L1CAM: variants seen among roughly 807,000 people sequenced by gnomAD.
L1CAM encodes L1 cell adhesion molecule, also known as neural cell adhesion molecule L1.
In L1CAM, 8 loss-of-function variants were observed where a neutral mutation model predicts 93.0. The ratio of observed to expected loss-of-function variants is 0.09; its 90% CI spans 0.05 to 0.16. The LOEUF is 0.16. L1CAM is among the 10% of genes least tolerant of loss of function. The pLI is 1.00. For missense variants in L1CAM, 777 were observed against 1,073.4 expected, an observed-to-expected ratio of 0.72 and a Z score of 3.86; for synonymous variants, 453 against 453.0, an observed-to-expected ratio of 1.00 and a Z score of 0.00.
chrX:153,879,807 A>G (rs1557095363), intron 1 of L1CAM, among the ~76,000 whole-genome samples: 1 of 111,771 alleles, frequency 8.9e-6, no homozygotes, highest in African/African-American at 3.3e-5. Flanking sequence ...AAGCACCCAG[A>G]AAATCCCAGG....
At chrX:153,870,534 T>A (rs782129922) in intron 7 of L1CAM, 35 bp from the exon 8 acceptor site, 47 of 1,102,786 alleles carry the variant, frequency 4.3e-5, no homozygotes, top group Non-Finnish European at 5.2e-5. Context: ...GGCTGCCCAC[T>A]CTTCCCTCCA....
intron 1 of L1CAM, chrX:153,884,326 G>A (rs947136710): frequency 1.3e-5 from 11 of 856,050 alleles, no homozygotes; most frequent in East Asian, 6.5e-5. Flanking sequence ...ACCTTGAAGC[G>A]CTGATTGTCC....
At chrX:153,863,049 T>C (rs1269449907) in intron 28 of L1CAM, among the ~76,000 whole-genome samples, 155 bp from the exon 29 acceptor site, 1 of 112,386 alleles carries the variant, frequency 8.9e-6, no homozygotes, top group East Asian at 2.8e-4. Flanking sequence ...TCTGGAGCTG[T>C]CATCTTTGGG....
Position 153,868,911 on chromosome X carries a change from T to A in L1CAM, c.1309A>T (p.Met437Leu), listed in dbSNP as rs2064741398. The A allele has an allele frequency of 8.3e-7, 1 of 1,211,581 alleles. No homozygotes were observed. Among genetic ancestry groups the A allele is most frequent in the African/African-American group, 1.7e-5 (1 of 57,859 alleles). Residue 437 changes from methionine to leucine, a missense_variant, in exon 12 of 29, where the codon ATG becomes TTG. By Grantham distance (15) the Met-to-Leu change is conservative. This residue lies in a region of L1CAM where 574 missense variants were observed against 781.0 expected (regional missense o/e 0.73). Transcript: ENST00000370060. ...TAGGCAGTGCTGCCCTGGACAGCCA[T>A]GTACGTCTGATTGTCCGCAGTCAGG... is the stretch of plus-strand genomic sequence containing the variant. ...KILTADNQTY[M>L]AVQGSTAYLL...
At chrX:153,885,784 C>A in intron 1 of L1CAM, 1 of 797,613 alleles carries the variant, frequency 1.3e-6, no homozygotes, top group Non-Finnish European at 1.5e-6. Context: ...TGCCTGACGC[C>A]CCCCGCCCTG....
intron 1 of L1CAM, among the ~76,000 whole-genome samples, chrX:153,880,113 G>A (rs2064836754): frequency 8.9e-6 from 1 of 111,887 alleles, no homozygotes; most frequent in African/African-American, 3.3e-5. Context: ...ACACCCGCAG[G>A]TCCCTCAGGG....
intron 1 of L1CAM, chrX:153,876,316 G>A (rs2064813888): frequency 4.0e-6 from 1 of 251,018 alleles, no homozygotes; most frequent in African/African-American, 2.8e-5. Flanking sequence ...GTGTGGTTGT[G>A]GATCTGCAAG....
chrX:153,875,605 C>T (rs922073307), intron 2 of L1CAM, 156 bp downstream of exon 2: 11 of 544,593 alleles, frequency 2.0e-5, no homozygotes, highest in Non-Finnish European at 3.5e-5. Flanking sequence ...TCCGGGGGTA[C>T]CCAACGTCCT....
chrX:153,869,965 C>T (rs201652121), intron 9 of L1CAM, 31 bp from the exon 10 acceptor site: 18 of 1,208,008 alleles, frequency 1.5e-5, no homozygotes, highest in Admixed American at 4.4e-5. Context: ...GCCCTGAGCC[C>T]GCAGCCAGCA....
At position 153,875,893 on chromosome X, in the gene L1CAM, G is replaced by A. The variant is rs1449436501; in HGVS notation, c.-57C>T. ...CCGGGCTCGGTTCAGGCTCCGGCCG[G>A]AGGGGAAGGGGGCTGGTGGGCGGCT... On this transcript the variant is annotated 5_prime_UTR_variant, in exon 2 of 29. Coordinates refer to ENST00000370060, the MANE Select transcript of L1CAM (RefSeq NM_001278116.2). The A allele has an allele frequency of 8.2e-6, 9 of 1,098,627 alleles. No homozygotes were observed. The highest frequency in any genetic ancestry group is 5.6e-5 in the South Asian group (3 of 53,587). The allele number at this position is 1,098,627 out of a possible 1,213,427, so 90.5% of individuals were successfully genotyped here.
chrX:153,866,828 C>T lies in L1CAM; in HGVS notation c.2252G>A (p.Arg751His), dbSNP rs782052039. The T allele has an allele frequency of 3.3e-6, 4 of 1,211,508 alleles. No individual in the cohort carries two copies. Among genetic ancestry groups the T allele is most frequent in the South Asian group, 1.8e-5 (1 of 56,975 alleles). The change falls in exon 19 of 29, where the codon CGC becomes CAC. Residue 751 changes from arginine to histidine, a missense_variant. Arg to His is a conservative substitution (Grantham distance 29). Coordinates refer to ENST00000370060, the MANE Select transcript of L1CAM (RefSeq NM_001278116.2). Reference sequence around the variant, plus strand: ...TGTCCCCTGAGGGCGCCACTGCACGCGGTACTGAACCTGGGGGGCGTTCCA... The same window carrying T: ...TGTCCCCTGAGGGCGCCACTGCACGTGGTACTGAACCTGGGGGGCGTTCCA... ...MDWNAPQVQY[R>H]VQWRPQGTRG...
chrX:153,871,263 C>T (rs1389694977), intron 5 of L1CAM, 84 bp from the exon 6 acceptor site: 7 of 266,715 alleles, frequency 2.6e-5, no homozygotes, highest in Admixed American at 9.8e-5. Flanking sequence ...AGGGGGGTGG[C>T]GGGCTACACC....
intron 2 of L1CAM, among the ~76,000 whole-genome samples, chrX:153,875,420 G>C (rs1197867747): frequency 1.8e-5 from 2 of 111,729 alleles, no homozygotes; most frequent in Non-Finnish European, 3.8e-5. Context: ...TGGAAGCGGA[G>C]GAGTCGGAGT....
chrX:153,875,193 C>T (rs2064803583), intron 2 of L1CAM, among the ~76,000 whole-genome samples: 1 of 111,604 alleles, frequency 9.0e-6, no homozygotes, highest in Non-Finnish European at 1.9e-5. Context: ...CCACCCCCAC[C>T]AAATAACTAC....
At chrX:153,865,906 G>A (rs2064709031) in intron 19 of L1CAM, 87 bp from the exon 20 acceptor site, 7 of 616,192 alleles carry the variant, frequency 1.1e-5, no homozygotes, top group Admixed American at 6.9e-5. Flanking sequence ...CAGAGAAGAC[G>A]AATTCGGATA....
chrX:153,867,270 C>T lies in L1CAM; in HGVS notation c.2137+86G>A, dbSNP rs2064722266. The T allele has an allele frequency of 5.8e-5, 59 of 1,022,258 alleles. No homozygotes were observed. In the South Asian group the frequency reaches 1.0e-3, roughly 18 times the overall value. The allele number at this position is 1,022,258 out of a possible 1,213,427, so 84.2% of individuals were successfully genotyped here. A position where few individuals can be genotyped will look rare whatever the true frequency, so the allele number is the denominator to read the frequency against. On this transcript the variant is annotated intron_variant, in intron 17 of 28. Transcript: ENST00000370060. ...CCCTGGAAATTTGGAAGCAGAGGAA[C>T]TTGGGCATGGCACCTCTCTAAGCCC...
chrX:153,884,923 C>T (rs992633536), intron 1 of L1CAM, among the ~76,000 whole-genome samples: 7 of 112,955 alleles, frequency 6.2e-5, no homozygotes, highest in African/African-American at 9.6e-5. Context: ...CCCCGATGCC[C>T]CTGCCCTCAG....
intron 1 of L1CAM, chrX:153,885,498 C>T (rs1308247606): frequency 1.2e-6 from 1 of 800,085 alleles, no homozygotes; most frequent in East Asian, 8.1e-5. Flanking sequence ...AAAGCCCCCC[C>T]AACCTTGGGG....
rs1557093590 is a variant in L1CAM at position 153,872,662 on chromosome X, G to A, written c.127C>T (p.Arg43Trp). The change falls in exon 4 of 29, where the codon CGG becomes TGG. Residue 43 changes from arginine to tryptophan, a missense_variant. Around this residue, in one of 5 missense-constraint regions of L1CAM, gnomAD observed 574 missense variants for 781.0 expected, o/e 0.73. Transcript: ENST00000370060. ...TCTGTGGGGAAGACAACCAGGCGCC[G>A]TGGAGACTGTTCCGTGATGACAGGT... ...EPPVITEQSP[R>W]RLVVFPTDDI... 6 of 1,210,457 alleles carry A rather than the reference G, an allele frequency of 5.0e-6. No homozygotes were observed. The highest frequency in any genetic ancestry group is 1.8e-5 in the South Asian group (1 of 56,920).
Sources: allele counts gnomAD v4.1 joint callset (sites outside exome capture counted in the v4.1 genomes callset), GRCh38; gene constraint gnomAD v4.1.1; regional missense constraint gnomAD v4.1.1; transcripts MANE v1.5; gene names NCBI Gene and HGNC (gene_info 2026-07-23, HGNC 2026-07-21).